The following BMPR2 variants were observed in gnomAD, a reference collection of about 807,000 sequenced individuals.
BMPR2 encodes the protein bone morphogenetic protein receptor type-2.
BMPR2 carries 29 observed loss-of-function variants against 100.8 expected under a neutral mutation model. That is an observed-to-expected ratio of 0.29 (90% CI 0.21 to 0.39). The LOEUF (loss-of-function observed/expected upper bound fraction) is 0.39. BMPR2 is among the 10% of genes least tolerant of loss of function. BMPR2 has a pLI of 1.00. For missense variants in BMPR2, 1,011 were observed against 1,274.5 expected, an observed-to-expected ratio of 0.79 and a Z score of 3.15; for synonymous variants, 382 against 442.3, an observed-to-expected ratio of 0.86 and a Z score of 1.71.
chr2:202,433,306 G>T (rs1691543125), intron 1 of BMPR2, among the ~76,000 whole-genome samples: 1 of 150,288 alleles, frequency 6.7e-6, no homozygotes, highest in Non-Finnish European at 1.5e-5. Flanking sequence ...GATACACAAG[G>T]GGACCTCAGA....
intron 1 of BMPR2, among the ~76,000 whole-genome samples, chr2:202,421,805 T>C (rs996477657): frequency 2.0e-5 from 3 of 151,864 alleles, no homozygotes; most frequent in Non-Finnish European, 4.4e-5. Context: ...GGGGGAACTT[T>C]TGATTTTCTT....
At chr2:202,445,809 C>G (rs1691837722) in intron 1 of BMPR2, among the ~76,000 whole-genome samples, 1 of 134,970 alleles carries the variant, frequency 7.4e-6, no homozygotes, top group Admixed American at 8.1e-5. Context: ...GAGTCTTGCT[C>G]TGTCGCCCAG....
chr2:202,427,323 GCA>G (rs1691407014), intron 1 of BMPR2, among the ~76,000 whole-genome samples: 1 of 137,828 alleles, frequency 7.3e-6, no homozygotes, highest in African/African-American at 2.7e-5. Flanking sequence ...TCGCGCCACT[GCA>G]CTTCAGCTTG....
At chr2:202,475,945 A>G (rs1692541157) in intron 3 of BMPR2, among the ~76,000 whole-genome samples, 1 of 152,028 alleles carries the variant, frequency 6.6e-6, no homozygotes, top group East Asian at 1.9e-4. Flanking sequence ...GTGGTGGCAC[A>G]TGCCTGTAAT....
At chr2:202,438,085 G>A (rs747970234) in intron 1 of BMPR2, among the ~76,000 whole-genome samples, 1 of 150,144 alleles carries the variant, frequency 6.7e-6, no homozygotes, top group African/African-American at 2.5e-5. Context: ...AGGTGAAGGT[G>A]GGCGGATCAC....
intron 3 of BMPR2, among the ~76,000 whole-genome samples, chr2:202,477,490 G>GA (rs1692572939): frequency 6.6e-6 from 1 of 151,520 alleles, no homozygotes; most frequent in Non-Finnish European, 1.5e-5. Context: ...TTCATACACA[G>GA]AAAAAAAATA....
rs1054633731 is a variant in BMPR2, at chr2:202,446,707, A to G, written c.77-18102A>G. The stretch of plus-strand genomic sequence containing the variant: ...TGCTCTGTTGCTCAGGCTGGAGTGC[A>G]GTGGTGCCATCTCAGCTCACTGAGC... On this transcript the variant is annotated intron_variant, in intron 1 of 12. Transcript: ENST00000374580. Among the ~76,000 whole-genome samples, 5 of 148,522 alleles carry G rather than the reference A, an allele frequency of 3.4e-5. 1 individual carries two copies. The highest frequency in any genetic ancestry group is 1.3e-4 in the African/African-American group (5 of 38,632).
chr2:202,459,266 A>C (rs568374862), intron 1 of BMPR2, among the ~76,000 whole-genome samples: 1 of 152,338 alleles, frequency 6.6e-6, no homozygotes, highest in South Asian at 2.1e-4. Context: ...TTATCAATGT[A>C]GCTCCATACC....
At chr2:202,380,337 A>G (rs868480820) in intron 1 of BMPR2, among the ~76,000 whole-genome samples, 1 of 152,300 alleles carries the variant, frequency 6.6e-6, no homozygotes. Context: ...TTAGATTGCA[A>G]TTTTACATAC....
Position 202,562,543 on chromosome 2 carries a change from TG to T in BMPR2, c.*2598del, listed in dbSNP as rs1688692874. ...ACTTAATTGTATGCTAATACTCATC[TG>T]ATAATAAATGCTTCTTAAAGTTGAC... On this transcript the variant is annotated 3_prime_UTR_variant, in exon 13 of 13. Coordinates refer to ENST00000374580, the MANE Select transcript of BMPR2 (RefSeq NM_001204.7). 3 of 152,578 alleles carry T rather than the reference TG, an allele frequency of 2.0e-5. No homozygotes were observed. Among genetic ancestry groups the T allele is most frequent in the Non-Finnish European group, 4.4e-5 (3 of 68,016 alleles). The allele number at this position is 152,578 out of a possible 1,614,324, so 9.5% of individuals were successfully genotyped here. A position where few individuals can be genotyped will look rare whatever the true frequency, so the allele number is the denominator to read the frequency against.
At chr2:202,535,934 C>T (rs1200677392) in intron 9 of BMPR2, among the ~76,000 whole-genome samples, 8 of 151,524 alleles carry the variant, frequency 5.3e-5, no homozygotes, top group South Asian at 2.1e-4. Flanking sequence ...ACCAGTCAGG[C>T]GTGGCGGCGC....
intron 1 of BMPR2, among the ~76,000 whole-genome samples, chr2:202,423,710 C>T (rs1289998140): frequency 1.3e-5 from 2 of 152,030 alleles, no homozygotes; most frequent in Non-Finnish European, 2.9e-5. Flanking sequence ...GCTATGATGG[C>T]GCCACTGTAC....
At position 202,377,128 on chromosome 2, in the gene BMPR2, C is replaced by A; in HGVS notation, c.-347C>A. On this transcript the variant is annotated 5_prime_UTR_variant, in exon 1 of 13. It adds an upstream start codon to the 5' untranslated region. Transcript: ENST00000374580. ...ACCCTGGATATGTTTTCTCCCAGAC[C>A]TGGATATTTTTTTGATATCGTGAAA... 1.7e-6 allele frequency: 1 copy of A among 586,448 alleles called. No homozygotes were observed. Among genetic ancestry groups the A allele is most frequent in the Non-Finnish European group, 3.0e-6 (1 of 330,376 alleles). The allele number at this position is 586,448 out of a possible 1,614,324, so 36.3% of individuals were successfully genotyped here. A position where few individuals can be genotyped will look rare whatever the true frequency, so the allele number is the denominator to read the frequency against.
At chr2:202,467,785 G>C (rs1023491930) in intron 3 of BMPR2, 96 bp downstream of exon 3, 2 of 1,288,290 alleles carry the variant, frequency 1.6e-6, no homozygotes, top group Non-Finnish European at 2.2e-6. Context: ...GAAGCCAGGC[G>C]TGATGGCTCA....
intron 1 of BMPR2, among the ~76,000 whole-genome samples, chr2:202,392,260 G>A (rs1690565858): frequency 2.0e-5 from 3 of 151,822 alleles, no homozygotes; most frequent in Admixed American, 1.3e-4. Flanking sequence ...TAGTAGGGAT[G>A]GGGTTTCACC....
chr2:202,533,518 ACT>A (rs1341911148), intron 9 of BMPR2, among the ~76,000 whole-genome samples: 2 of 145,392 alleles, frequency 1.4e-5, no homozygotes, highest in African/African-American at 2.6e-5. Context: ...CAAGAGCAAA[ACT>A]CTGTCTCAAA....
At chr2:202,500,245 C>T (rs1470159650) in intron 3 of BMPR2, among the ~76,000 whole-genome samples, 7 of 152,126 alleles carry the variant, frequency 4.6e-5, no homozygotes, top group Non-Finnish European at 7.3e-5. Flanking sequence ...CCTCAAGGTC[C>T]GTTACCATCC....
At chr2:202,404,679 G>A (rs1211358233) in intron 1 of BMPR2, among the ~76,000 whole-genome samples, 4 of 152,160 alleles carry the variant, frequency 2.6e-5, no homozygotes, top group Admixed American at 2.6e-4. Flanking sequence ...GGGTATATTA[G>A]GTTGGGTATA....
At chr2:202,510,591 T>G (rs1439664251) in intron 3 of BMPR2, among the ~76,000 whole-genome samples, 1 of 152,154 alleles carries the variant, frequency 6.6e-6, no homozygotes, top group Non-Finnish European at 1.5e-5. Context: ...TTATTTAGTT[T>G]TGTGTGTGTG....
Sources: allele counts gnomAD v4.1 joint callset (sites outside exome capture counted in the v4.1 genomes callset), GRCh38; gene constraint gnomAD v4.1.1; transcripts MANE v1.5; gene names NCBI Gene and HGNC (gene_info 2026-07-23, HGNC 2026-07-21).